Variants in ZNF697 observed in about 807,000 individuals in gnomAD.
ZNF697 encodes the protein zinc finger protein 697.
A neutral mutation model predicts 32.4 loss-of-function variants in ZNF697; 23 were observed. The observed-to-expected ratio is 0.71, with a 90% confidence interval of 0.51 to 1.01. The LOEUF (loss-of-function observed/expected upper bound fraction) is 1.01. Among genes scored for constraint, ZNF697 ranks in the 50% least tolerant of loss-of-function variants. ZNF697 has a pLI of 0.00. For synonymous variants in ZNF697, 418 were observed against 337.2 expected (o/e 1.24, Z -2.62); for missense variants, 930 against 794.0 (o/e 1.17, Z -2.06).
chr1:119,634,326 C>T (rs1015901988), intron 1 of ZNF697, among the ~76,000 whole-genome samples: 2 of 152,158 alleles, frequency 1.3e-5, no homozygotes, highest in African/African-American at 2.4e-5. Flanking sequence ...AATTCTTTGC[C>T]CAAAATAACT....
In ZNF697 at chr1:119,620,616, G is replaced by A. The variant is rs1312475022; in HGVS notation, c.*2089C>T. On this transcript the variant is annotated 3_prime_UTR_variant, in exon 3 of 3. Coordinates refer to ENST00000421812, the MANE Select transcript of ZNF697 (RefSeq NM_001080470.2). Reference sequence around the variant, plus strand: ...TGTTTGCTTGTATTACTCCTGACTAGAAGAAAATGAGAATTAATGTCTTTC... The same window carrying A: ...TGTTTGCTTGTATTACTCCTGACTAAAAGAAAATGAGAATTAATGTCTTTC... 2 of 152,580 alleles carry A rather than the reference G, an allele frequency of 1.3e-5. No homozygotes were observed. Among genetic ancestry groups the A allele is most frequent in the African/African-American group, 4.8e-5 (2 of 41,426 alleles). 9.5% of individuals were successfully genotyped at this position (152,580 alleles called of 1,614,324 possible).
In ZNF697 at chr1:119,622,592, G is replaced by A. The variant is rs1008000646; in HGVS notation, c.*113C>T. 1 of 1,424,376 alleles carries A rather than the reference G, an allele frequency of 7.0e-7. No individual in the cohort carries two copies. Among genetic ancestry groups the A allele is most frequent in the Non-Finnish European group, 9.2e-7 (1 of 1,092,096 alleles). The allele number at this position is 1,424,376 out of a possible 1,614,324, so 88.2% of individuals were successfully genotyped here. A position where few individuals can be genotyped will look rare whatever the true frequency, so the allele number is the denominator to read the frequency against. On this transcript the variant is annotated 3_prime_UTR_variant, in exon 3 of 3. Coordinates refer to ENST00000421812, the MANE Select transcript of ZNF697 (RefSeq NM_001080470.2). ...AACCCCAAACACCAAAGGCTCCCCA[G>A]TCACTCTCAGATTGTCCCTCCCGCC...
At chr1:119,643,599 T>C (rs1317607331) in intron 1 of ZNF697, among the ~76,000 whole-genome samples, 3 of 152,166 alleles carry the variant, frequency 2.0e-5, no homozygotes, top group African/African-American at 7.2e-5. Flanking sequence ...GCTGCTCTGA[T>C]GAAAACAGAA....
rs1285127669 is a variant in ZNF697, at chr1:119,622,684, A to C, written c.*21T>G. 2.0e-6 allele frequency: 3 copies of C among 1,489,068 alleles called. No individual in the cohort carries two copies. Among genetic ancestry groups the C allele is most frequent in the Admixed American group, 4.4e-5 (2 of 45,258 alleles). The allele number at this position is 1,489,068 out of a possible 1,614,324, so 92.2% of individuals were successfully genotyped here. ...ACCCCCCACAGGCTCCCCAGACGGC[A>C]GCCTCCCGCGGACCCAGCCCCTAAC... On this transcript the variant is annotated 3_prime_UTR_variant, in exon 3 of 3. Transcript: ENST00000421812.
At chr1:119,628,899 A>C (rs1343873294) in intron 1 of ZNF697, among the ~76,000 whole-genome samples, 3 of 152,240 alleles carry the variant, frequency 2.0e-5, no homozygotes, top group African/African-American at 7.2e-5. Context: ...GTATACACAG[A>C]TCAGAGAGGA....
In ZNF697 at chr1:119,622,011, CG is replaced by C. The variant is rs1426297049; in HGVS notation, c.*693del. On this transcript the variant is annotated 3_prime_UTR_variant, in exon 3 of 3. Transcript: ENST00000421812. ...ATTTTCAAGGAAGTAGCAAAGAACCCGGGACAGAATCAGGATTTCCCACATC... is the reference window on the plus strand; with the variant it reads ...ATTTTCAAGGAAGTAGCAAAGAACCCGGACAGAATCAGGATTTCCCACATC... 6.6e-6 allele frequency: 1 copy of C among 152,576 alleles called. No individual in the cohort carries two copies. The highest frequency in any genetic ancestry group is 1.5e-5 in the Non-Finnish European group (1 of 68,040). 9.5% of individuals were successfully genotyped at this position (152,576 alleles called of 1,614,324 possible). A position where few individuals can be genotyped will look rare whatever the true frequency, so the allele number is the denominator to read the frequency against.
chr1:119,643,292 A>C (rs995179602), intron 1 of ZNF697, among the ~76,000 whole-genome samples: 1 of 152,168 alleles, frequency 6.6e-6, no homozygotes, highest in Non-Finnish European at 1.5e-5. Context: ...CTATGGATGC[A>C]CAGAACATGA....
chr1:119,637,984 A>G (rs1648972320), intron 1 of ZNF697, among the ~76,000 whole-genome samples: 1 of 151,894 alleles, frequency 6.6e-6, no homozygotes, highest in South Asian at 2.1e-4. Flanking sequence ...AGAGAGAGAA[A>G]AGAGAGAGAG....
intron 1 of ZNF697, among the ~76,000 whole-genome samples, chr1:119,631,238 C>G (rs1011214956): frequency 6.6e-6 from 1 of 152,248 alleles, no homozygotes; most frequent in African/African-American, 2.4e-5. Context: ...TCACGCGGCC[C>G]CTGGCGTGGA....
intron 1 of ZNF697, among the ~76,000 whole-genome samples, chr1:119,631,675 G>A (rs972059895): frequency 9.2e-5 from 14 of 152,238 alleles, no homozygotes; most frequent in African/African-American, 3.4e-4. Context: ...GCCGCTGCCA[G>A]GTGGCGGGGA....
Position 119,622,543 on chromosome 1 carries a change from C to T in ZNF697, c.*162G>A, listed in dbSNP as rs1648365880. ...TATAGCACCGGGAAAGACCAACTTA[C>T]TCAACACTCCTCCCACTTCAGGAAA... is the stretch of plus-strand genomic sequence containing the variant. On this transcript the variant is annotated 3_prime_UTR_variant, in exon 3 of 3. Transcript: ENST00000421812. 1.5e-6 allele frequency: 2 copies of T among 1,332,522 alleles called. No individual in the cohort carries two copies. Among genetic ancestry groups the T allele is most frequent in the African/African-American group, 1.5e-5 (1 of 67,750 alleles). 82.5% of individuals were successfully genotyped at this position (1,332,522 alleles called of 1,614,324 possible). A position where few individuals can be genotyped will look rare whatever the true frequency, so the allele number is the denominator to read the frequency against.
chr1:119,635,835 T>A (rs1370342736), intron 1 of ZNF697, among the ~76,000 whole-genome samples: 1 of 152,228 alleles, frequency 6.6e-6, no homozygotes, highest in African/African-American at 2.4e-5. Context: ...TAGATAGTGT[T>A]GTCAGACAGT....
rs140514064 is a variant in ZNF697, at chr1:119,637,965, CAGAG to C, written c.-38+9722_-38+9725del. Among the ~76,000 whole-genome samples the C allele has an allele frequency of 4.0e-5, 6 of 148,164 alleles. No individual in the cohort carries two copies. In the South Asian group the frequency reaches 8.5e-4, roughly 21 times the overall value. On this transcript the variant is annotated intron_variant, in intron 1 of 2. Transcript: ENST00000421812. The stretch of plus-strand genomic sequence containing the variant: ...TGTGAGAGAGAGAGAGAGAAAGAGA[CAGAG>C]AGAGAGAGAGAGAAAAGAGAGAGAG...
chr1:119,644,578 A>C (rs1011256224), intron 1 of ZNF697, among the ~76,000 whole-genome samples: 17 of 152,236 alleles, frequency 1.1e-4, no homozygotes, highest in Admixed American at 7.2e-4. Context: ...CTGGGACTCC[A>C]GGCAAGCTTC....
chr1:119,623,296 C>A lies in ZNF697; in HGVS notation c.1047G>T (p.Ala349=). 2 of 1,368,602 alleles carry A rather than the reference C, an allele frequency of 1.5e-6. No homozygotes were observed. Among genetic ancestry groups the A allele is most frequent in the Non-Finnish European group, 1.9e-6 (2 of 1,065,522 alleles). The allele number at this position is 1,368,602 out of a possible 1,614,324, so 84.8% of individuals were successfully genotyped here. A position where few individuals can be genotyped will look rare whatever the true frequency, so the allele number is the denominator to read the frequency against. The change falls in exon 3 of 3, where the codon GCG becomes GCT. Residue 349 remains alanine, a synonymous_variant. Coordinates refer to ENST00000421812, the MANE Select transcript of ZNF697 (RefSeq NM_001080470.2). ...ACTCCCCGCAGGCGAAGGGCCGCAGCGCCGCCGCCCCCGCGCCGCTGGCCG... is the reference window on the plus strand; with the variant it reads ...ACTCCCCGCAGGCGAAGGGCCGCAGAGCCGCCGCCCCCGCGCCGCTGGCCG... The part of the protein sequence containing the change: ...HAAASGAGAA[A]LRPFACGECG...
At chr1:119,636,399 A>G (rs1223216223) in intron 1 of ZNF697, among the ~76,000 whole-genome samples, 1 of 141,356 alleles carries the variant, frequency 7.1e-6, no homozygotes, top group Non-Finnish European at 1.6e-5. Context: ...CTCATGATAC[A>G]TTTCCTTATC....
chr1:119,638,970 A>G (rs1648996786), intron 1 of ZNF697, among the ~76,000 whole-genome samples: 1 of 151,880 alleles, frequency 6.6e-6, no homozygotes, highest in Admixed American at 6.6e-5. Flanking sequence ...TCTTAGTTTA[A>G]TCATCTACAC....
Position 119,623,264 on chromosome 1 carries a change from T to C in ZNF697, c.1079A>G (p.Lys360Arg). The change falls in exon 3 of 3, where the codon AAG (lysine) becomes AGG (arginine). Residue 360 changes from lysine to arginine, a missense_variant. By Grantham distance (26) the Lys-to-Arg change is conservative. Transcript: ENST00000421812. ...LRPFACGECG[K>R]GFVRRSHLAN... ...CAGGTGCGAACGGCGCACGAAGCCC[T>C]TGCCGCACTCCCCGCAGGCGAAGGG... The C allele has an allele frequency of 6.5e-7, 1 of 1,534,560 alleles. No homozygotes were observed.
At position 119,623,982 on chromosome 1, in the gene ZNF697, C is replaced by G; in HGVS notation, c.361G>C (p.Asp121His). ...AGCCGGTTCTCCCCAGCACTCTCGT[C>G]GTCGTCCTCCCGGAGGCTCCGGGAT... ...SISRSLREDD[D>H]ESAGENRLEE... The change falls in exon 3 of 3, where the codon GAC becomes CAC. Residue 121 changes from aspartate (D) to histidine (H), a missense_variant. By Grantham distance (81) the Asp-to-His change is moderately conservative. Transcript: ENST00000421812. 6.2e-7 allele frequency: 1 copy of G among 1,611,124 alleles called. No homozygotes were observed. Among genetic ancestry groups the G allele is most frequent in the Non-Finnish European group, 8.5e-7 (1 of 1,178,790 alleles).
Sources: allele counts gnomAD v4.1 joint callset (sites outside exome capture counted in the v4.1 genomes callset), GRCh38; gene constraint gnomAD v4.1.1; transcripts MANE v1.5; gene names NCBI Gene and HGNC (gene_info 2026-07-23, HGNC 2026-07-21).